The following BLM variants were observed in gnomAD, a reference collection of about 807,000 sequenced individuals.
The protein encoded by BLM is BLM RecQ like helicase.
A neutral mutation model predicts 135.3 loss-of-function variants in BLM; 95 were observed. That is an observed-to-expected ratio of 0.70 (90% confidence interval 0.59 to 0.83). The LOEUF is 0.83. Ranked by LOEUF, BLM falls within the 40% of genes least tolerant of loss-of-function variation. The probability of loss-of-function intolerance (pLI) is 0.00; values close to 1 mark genes in which losing one functional copy is unlikely to be tolerated. For missense variants in BLM, 1,518 were observed against 1,663.9 expected (o/e 0.91, Z 1.53); for synonymous variants, 520 against 589.2 (o/e 0.88, Z 1.70).
At chr15:90,787,899 G>A (rs748826003) in intron 14 of BLM, among the ~76,000 whole-genome samples, 7 of 151,652 alleles carry the variant, frequency 4.6e-5, no homozygotes, top group Non-Finnish European at 1.0e-4. Flanking sequence ...GCAGTGAGCC[G>A]AGATCGTGCC....
chr15:90,744,369 TTTTATTTA>T (rs890232333), intron 1 of BLM, among the ~76,000 whole-genome samples: 1 of 152,088 alleles, frequency 6.6e-6, no homozygotes, highest in Admixed American at 6.5e-5. Context: ...GGCTTTTATT[TTTTATTTA>T]TTTATTTATT....
rs773097986 is a variant in BLM, at chr15:90,765,308, G to A, written c.2087G>A (p.Ser696Asn). 2 of 1,609,982 alleles carry A rather than the reference G, an allele frequency of 1.2e-6. No homozygotes were observed. Among genetic ancestry groups the A allele is most frequent in the Non-Finnish European group, 1.7e-6 (2 of 1,176,380 alleles). ...TGTTCTCTTTCAGGAGGTGGTAAGA[G>A]TTTGTGTTACCAGCTCCCTGCCTGT... ...FILMPTGGGK[S>N]LCYQLPACVS... is the part of the protein sequence containing the mutation. The change falls in exon 9 of 22, where the codon AGT (serine) becomes AAT (asparagine). Residue 696 changes from serine (S) to asparagine (N), a missense_variant. By Grantham distance (46) the Ser-to-Asn change is conservative. Coordinates refer to ENST00000355112, the MANE Select transcript of BLM (RefSeq NM_000057.4).
chr15:90,733,773 A>AT (rs1895127754), intron 1 of BLM, among the ~76,000 whole-genome samples: 1 of 152,128 alleles, frequency 6.6e-6, no homozygotes, highest in African/African-American at 2.4e-5. Context: ...AAGTTTCCTC[A>AT]TCCCCCTTAA....
At chr15:90,809,030 A>G in intron 19 of BLM, 107 bp from the exon 20 acceptor site, 2 of 1,490,312 alleles carry the variant, frequency 1.3e-6, no homozygotes, top group South Asian at 1.1e-5. Flanking sequence ...AGTACCCTGC[A>G]GTTAGTTGGC....
chr15:90,779,607 A>G (rs10220853), intron 12 of BLM, among the ~76,000 whole-genome samples: 6,413 of 152,274 alleles, frequency 0.042, 162 homozygotes, highest in Non-Finnish European at 0.054. Flanking sequence ...AGTTTTTTGC[A>G]AAGAAATGCT....
intron 1 of BLM, among the ~76,000 whole-genome samples, chr15:90,742,830 C>T (rs1037320272): frequency 6.6e-6 from 1 of 151,466 alleles, no homozygotes; most frequent in African/African-American, 2.4e-5. Context: ...AGAGACAGGT[C>T]GTACTTTGTT....
chr15:90,783,165 A>G (rs779123771), intron 13 of BLM, among the ~76,000 whole-genome samples: 1 of 152,236 alleles, frequency 6.6e-6, no homozygotes, highest in Non-Finnish European at 1.5e-5. Context: ...ACACACGTAT[A>G]TTATAACTTT....
chr15:90,740,649 T>C (rs1034791633), intron 1 of BLM, among the ~76,000 whole-genome samples: 24 of 152,186 alleles, frequency 1.6e-4, no homozygotes, highest in Non-Finnish European at 2.4e-4. Flanking sequence ...TGTGTCCCCA[T>C]TGAAATCTCA....
At chr15:90,794,032 C>A in intron 15 of BLM, 135 bp from the exon 16 acceptor site, 1 of 546,428 alleles carries the variant, frequency 1.8e-6, no homozygotes, top group South Asian at 3.3e-5. Flanking sequence ...ATATAGAATG[C>A]CATGTTGACA....
At chr15:90,771,667 C>T (rs1044340284) in intron 12 of BLM, among the ~76,000 whole-genome samples, 2 of 148,278 alleles carry the variant, frequency 1.3e-5, no homozygotes, top group Non-Finnish European at 3.0e-5. Context: ...TCTCGAACTC[C>T]TGGGCTTAAA....
intron 1 of BLM, among the ~76,000 whole-genome samples, 165 bp downstream of exon 1, chr15:90,717,605 T>C (rs1894640596): frequency 6.6e-6 from 1 of 152,172 alleles, no homozygotes. Flanking sequence ...GGACAGCAGA[T>C]ACATAAATAC....
In BLM at chr15:90,811,306, T is replaced by A. The variant is rs1222912167; in HGVS notation, c.3976T>A (p.Phe1326Ile). Residue 1326 changes from phenylalanine to isoleucine, a missense_variant, in exon 21 of 22, where the codon TTT (phenylalanine) becomes ATT (isoleucine). Phe to Ile is a conservative substitution (Grantham distance 21). This residue lies in a region of BLM where 153 missense variants were observed against 173.4 expected (regional missense o/e 0.88). Transcript: ENST00000355112. The stretch of plus-strand genomic sequence containing the variant: ...GGAAATACCCGTATCTTCCCACTAC[T>A]TTGCAAGTAAAACCAGAAATGAAAG... ...DEEIPVSSHY[F>I]ASKTRNERKR... 1.9e-6 allele frequency: 3 copies of A among 1,613,986 alleles called. No homozygotes were observed. The highest frequency in any genetic ancestry group is 1.7e-5 in the Admixed American group (1 of 59,990).
chr15:90,760,062 A>G, intron 5 of BLM, 85 bp from the exon 6 acceptor site: 5 of 1,358,058 alleles, frequency 3.7e-6, no homozygotes, highest in Non-Finnish European at 5.1e-6. Flanking sequence ...AAGGGCTGGG[A>G]TTACAGTCAT....
chr15:90,739,867 A>C (rs1338479073), intron 1 of BLM, among the ~76,000 whole-genome samples: 2 of 152,092 alleles, frequency 1.3e-5, no homozygotes, highest in Non-Finnish European at 2.9e-5. Context: ...CTGGTTGAGC[A>C]GTCCTCCCAC....
At position 90,790,701 on chromosome 15, in the gene BLM, G is replaced by A. The variant is rs772585415; in HGVS notation, c.2876G>A (p.Arg959Gln). ...FGMGIDKPDV[R>Q]FVIHASLPKS... ...ATGGGGATTGACAAACCGGACGTGC[G>A]ATTTGTGATTCATGCATCTCTCCCT... The change falls in exon 15 of 22, where the codon CGA (arginine) becomes CAA (glutamine). Residue 959 changes from arginine (R) to glutamine (Q), a missense_variant. Physicochemically the swap from Arg to Gln is conservative, Grantham distance 43 (BLOSUM62 1). This residue lies in a region of BLM where 626 missense variants were observed against 681.1 expected (regional missense o/e 0.92). Transcript: ENST00000355112. 3.1e-6 allele frequency: 5 copies of A among 1,614,056 alleles called. No homozygotes were observed. Among genetic ancestry groups the A allele is most frequent in the African/African-American group, 1.3e-5 (1 of 74,934 alleles).
At chr15:90,799,879 T>C (rs1306239487) in intron 17 of BLM, among the ~76,000 whole-genome samples, 2 of 151,140 alleles carry the variant, frequency 1.3e-5, no homozygotes, top group Non-Finnish European at 2.9e-5. Flanking sequence ...ACCATCTTAA[T>C]AGAGGAAGGG....
chr15:90,748,371 G>A (rs1329514164), intron 2 of BLM, among the ~76,000 whole-genome samples: 1 of 152,006 alleles, frequency 6.6e-6, no homozygotes, highest in Non-Finnish European at 1.5e-5. Flanking sequence ...GCCTCCCAAA[G>A]TGCTGGGATT....
intron 1 of BLM, among the ~76,000 whole-genome samples, chr15:90,743,390 T>C (rs562883505): frequency 6.6e-6 from 1 of 152,352 alleles, no homozygotes; most frequent in East Asian, 1.9e-4. Flanking sequence ...TTCTAATTCA[T>C]AGGTTTATTT....
intron 17 of BLM, among the ~76,000 whole-genome samples, chr15:90,800,680 C>CA (rs139738393): frequency 0.17 from 23,409 of 141,546 alleles, 1,917 homozygotes; most frequent in Non-Finnish European, 0.19. Context: ...AACTCCATCT[C>CA]AAAAAAAAAA....
Sources: allele counts gnomAD v4.1 joint callset (sites outside exome capture counted in the v4.1 genomes callset), GRCh38; gene constraint gnomAD v4.1.1; regional missense constraint gnomAD v4.1.1; transcripts MANE v1.5; gene names NCBI Gene and HGNC (gene_info 2026-07-23, HGNC 2026-07-21).